BPIFB6: variants seen among roughly 807,000 people sequenced by gnomAD.
The protein encoded by BPIFB6 is BPI fold containing family B member 6.
BPIFB6 carries 47 observed loss-of-function variants against 54.7 expected under a neutral mutation model. The ratio of observed to expected loss-of-function variants is 0.86; its 90% confidence interval spans 0.68 to 1.10. BPIFB6 has a LOEUF of 1.10. Among genes scored for constraint, BPIFB6 ranks in the 50% least tolerant of loss-of-function variants. The pLI is 0.00. For missense variants in BPIFB6, 603 were observed against 564.1 expected, an observed-to-expected ratio of 1.07 and a Z score of -0.70; for synonymous variants, 255 against 225.9, an observed-to-expected ratio of 1.13 and a Z score of -1.16.
chr20:33,034,967 G>A, intron 4 of BPIFB6, 55 bp downstream of exon 4: 21 of 1,605,122 alleles, frequency 1.3e-5, no homozygotes, highest in Non-Finnish European at 1.6e-5. Context: ...ATACCCCCCA[G>A]CATATCACTT....
At position 33,035,099 on chromosome 20, in the gene BPIFB6, C is replaced by T. The variant is rs753063458; in HGVS notation, c.471C>T (p.Val157=). 6.2e-7 allele frequency: 1 copy of T among 1,613,928 alleles called. No individual in the cohort carries two copies. The highest frequency in any genetic ancestry group is 8.5e-7 in the Non-Finnish European group (1 of 1,180,004). The change falls in exon 5 of 15, where the codon GTC becomes GTT. Residue 157 remains valine, a synonymous_variant. Transcript: ENST00000349552. ...CATCTAGCATGCTCCCCAAGATGGT[C>T]AACAAGTTCCTGGACAGCACCCTGC... is the stretch of plus-strand genomic sequence containing the variant. The part of the protein sequence containing the change: ...NLPSNMLPKM[V]NKFLDSTLHK...
intron 5 of BPIFB6, 58 bp downstream of exon 5, chr20:33,035,202 T>C: frequency 6.5e-7 from 1 of 1,546,110 alleles, no homozygotes; most frequent in Non-Finnish European, 8.9e-7. Context: ...AGGCCAGGGC[T>C]GGCAAATGCA....
chr20:33,036,239 C>A (rs1979336847), intron 6 of BPIFB6, among the ~76,000 whole-genome samples: 1 of 152,138 alleles, frequency 6.6e-6, no homozygotes, highest in African/African-American at 2.4e-5. Flanking sequence ...AACTCTCAAG[C>A]TCTGTGCTGG....
intron 10 of BPIFB6, among the ~76,000 whole-genome samples, chr20:33,039,809 C>A (rs960250971): frequency 6.6e-6 from 1 of 152,166 alleles, no homozygotes; most frequent in African/African-American, 2.4e-5. Flanking sequence ...GGGAGATTCC[C>A]AAATCCAATT....
At chr20:33,036,014 C>T (rs911473175) in intron 6 of BPIFB6, among the ~76,000 whole-genome samples, 1 of 152,148 alleles carries the variant, frequency 6.6e-6, no homozygotes, top group Non-Finnish European at 1.5e-5. Flanking sequence ...GATATACTGC[C>T]TCCATCATTT....
At chr20:33,036,928 C>T (rs1377307010) in intron 7 of BPIFB6, among the ~76,000 whole-genome samples, 16 of 152,196 alleles carry the variant, frequency 1.1e-4, no homozygotes, top group Non-Finnish European at 1.3e-4. Context: ...ACATCCCTCA[C>T]CAGCTCCATT....
intron 11 of BPIFB6, 90 bp downstream of exon 11, chr20:33,040,408 C>G: frequency 8.4e-7 from 1 of 1,194,966 alleles, no homozygotes; most frequent in Non-Finnish European, 1.2e-6. Context: ...AGCTGATCCA[C>G]CCAGCACACC....
Position 33,034,744 on chromosome 20 carries a change from C to A in BPIFB6, c.303-19C>A. On this transcript the variant is annotated intron_variant, in intron 3 of 14. Coordinates refer to ENST00000349552, the MANE Select transcript of BPIFB6 (RefSeq NM_174897.2). ...CCATGGCAGAGATGCCCATGGTGCC[C>A]TCCTGCTCTGTCCTCCAGCTTCATG... The A allele has an allele frequency of 6.3e-7, 1 of 1,595,092 alleles. No individual in the cohort carries two copies. The highest frequency in any genetic ancestry group is 8.6e-7 in the Non-Finnish European group (1 of 1,167,110).
chr20:33,037,207 C>T (rs548846990), intron 7 of BPIFB6, among the ~76,000 whole-genome samples: 68 of 152,332 alleles, frequency 4.5e-4, no homozygotes, highest in Non-Finnish European at 9.0e-4. Flanking sequence ...CAGCAGGATT[C>T]TTACACGCCC....
chr20:33,039,649 C>T (rs750803333), intron 10 of BPIFB6, 129 bp downstream of exon 10: 32 of 1,052,254 alleles, frequency 3.0e-5, no homozygotes, highest in Non-Finnish European at 4.3e-5. Context: ...ATGTCTGATC[C>T]TTGGCTCTGC....
intron 13 of BPIFB6, 82 bp from the exon 14 acceptor site, chr20:33,043,208 TC>T: frequency 8.2e-7 from 1 of 1,216,060 alleles, no homozygotes; most frequent in Non-Finnish European, 1.2e-6. Flanking sequence ...CTGCACTATT[TC>T]CCACTATCCC....
chr20:33,033,219 G>C (rs1346570361), intron 2 of BPIFB6, 136 bp downstream of exon 2: 1 of 737,122 alleles, frequency 1.4e-6, no homozygotes, highest in African/African-American at 1.7e-5. Context: ...GTGCTGTCTT[G>C]CTGTGTGGCC....
chr20:33,039,784 G>A lies in BPIFB6; in HGVS notation c.1074+264G>A, dbSNP rs543043996. 1.1e-3 allele frequency among the ~76,000 whole-genome samples: 175 copies of A among 152,344 alleles called. 1 individual carries two copies. The highest frequency in any genetic ancestry group is 3.9e-3 in the African/African-American group (162 of 41,584). On this transcript the variant is annotated intron_variant, in intron 10 of 14. Transcript: ENST00000349552. ...AAGGCAGTGAAGGGTGCACTGAAGGGACTGTGGGTGCCTAGGGAGATTCCC... is the reference window on the plus strand; with the variant it reads ...AAGGCAGTGAAGGGTGCACTGAAGGAACTGTGGGTGCCTAGGGAGATTCCC...
intron 8 of BPIFB6, among the ~76,000 whole-genome samples, chr20:33,038,209 A>C (rs1357112230): frequency 6.6e-6 from 1 of 151,766 alleles, no homozygotes; most frequent in Admixed American, 6.6e-5. Flanking sequence ...CATCCACCCA[A>C]CTTTCCTTTA....
At chr20:33,040,168 G>A in intron 10 of BPIFB6, 83 bp from the exon 11 acceptor site, 1 of 1,238,616 alleles carries the variant, frequency 8.1e-7, no homozygotes. Context: ...TGGTAGTGCT[G>A]GGAGGGTGGT....
chr20:33,032,585 C>T (rs1157095183), intron 1 of BPIFB6, among the ~76,000 whole-genome samples: 2 of 152,196 alleles, frequency 1.3e-5, no homozygotes, highest in Non-Finnish European at 2.9e-5. Context: ...CCTCACCCTC[C>T]AGCCATGCTG....
Position 33,038,903 on chromosome 20 carries a change from C to T in BPIFB6, c.847-6C>T, listed in dbSNP as rs967874216. ...AGCAACCCTAACCTTGACTTTTATTCTGTAGATTGGTGAGCTGCCCCCACA... is the reference window on the plus strand; with the variant it reads ...AGCAACCCTAACCTTGACTTTTATTTTGTAGATTGGTGAGCTGCCCCCACA... On this transcript the variant is annotated splice_region_variant and splice_polypyrimidine_tract_variant and intron_variant, in intron 8 of 14. Transcript: ENST00000349552. 1.2e-6 allele frequency: 2 copies of T among 1,613,942 alleles called. No individual in the cohort carries two copies. The highest frequency in any genetic ancestry group is 2.7e-5 in the African/African-American group (2 of 74,876).
At position 33,041,175 on chromosome 20, in the gene BPIFB6, G is replaced by A. The variant is rs911308200; in HGVS notation, c.1143-795G>A. 1.7e-4 allele frequency among the ~76,000 whole-genome samples: 26 copies of A among 152,096 alleles called. No homozygotes were observed. In the East Asian group the frequency reaches 5.1e-3, roughly 30 times the overall value. On this transcript the variant is annotated intron_variant, in intron 11 of 14. Coordinates refer to ENST00000349552, the MANE Select transcript of BPIFB6 (RefSeq NM_174897.2). Reference sequence around the variant, plus strand: ...TGGCTAATTTTTTGTATTTTTAGTAGAGATGGGATTTCACCCTGTTAGCCA... The same window carrying A: ...TGGCTAATTTTTTGTATTTTTAGTAAAGATGGGATTTCACCCTGTTAGCCA...
intron 9 of BPIFB6, 59 bp from the exon 10 acceptor site, chr20:33,039,288 T>C (rs200258385): frequency 1.4e-3 from 2,193 of 1,517,394 alleles, no homozygotes; most frequent in Non-Finnish European, 1.8e-3. Flanking sequence ...GACCCCTTAT[T>C]TCAACTGAAG....
Sources: allele counts gnomAD v4.1 joint callset (sites outside exome capture counted in the v4.1 genomes callset), GRCh38; gene constraint gnomAD v4.1.1; transcripts MANE v1.5; gene names NCBI Gene and HGNC (gene_info 2026-07-23, HGNC 2026-07-21).